The following PCDHA13 variants were observed in gnomAD, a reference collection of about 807,000 sequenced individuals.
PCDHA13 encodes the protein protocadherin alpha 13, also known as protocadherin alpha-13.
A neutral mutation model predicts 64.8 loss-of-function variants in PCDHA13; 54 were observed. The observed-to-expected ratio is 0.83, with a 90% confidence interval of 0.67 to 1.04. PCDHA13 has a LOEUF of 1.04. PCDHA13 is among the 50% of genes least tolerant of loss of function. The pLI is 0.00. For synonymous variants in PCDHA13, 587 were observed against 564.4 expected (o/e 1.04, Z -0.57); for missense variants, 1,248 against 1,254.3 (o/e 0.99, Z 0.08).
chr5:140,945,636 G>A (rs2093820936), intron 1 of PCDHA13, among the ~76,000 whole-genome samples: 1 of 152,092 alleles, frequency 6.6e-6, no homozygotes, highest in Admixed American at 6.6e-5. Context: ...TAAAAGACAT[G>A]TAGACCAATG....
chr5:140,934,490 C>T (rs189772593), intron 1 of PCDHA13, among the ~76,000 whole-genome samples: 35 of 152,244 alleles, frequency 2.3e-4, no homozygotes, highest in Admixed American at 1.4e-3. Context: ...ATATTCACCT[C>T]ATAAACACCC....
intron 1 of PCDHA13, chr5:140,968,416 G>A: frequency 1.2e-6 from 2 of 1,613,992 alleles, no homozygotes; most frequent in Non-Finnish European, 1.7e-6. Context: ...TGACTGTGGA[G>A]GCTCAGGACA....
chr5:140,993,463 CACA>C (rs1563592017), intron 3 of PCDHA13, among the ~76,000 whole-genome samples: 29 of 7,582 alleles, frequency 3.8e-3, no homozygotes, highest in African/African-American at 0.016. Flanking sequence ...CTTTCTTTCT[CACA>C]CACACACACA....
chr5:140,911,234 C>T (rs1554194655), intron 1 of PCDHA13, among the ~76,000 whole-genome samples: 1 of 151,890 alleles, frequency 6.6e-6, no homozygotes, highest in East Asian at 1.9e-4. Context: ...TTTCTTCTGG[C>T]AAAAAAAGTT....
Position 140,884,436 on chromosome 5 carries a change from G to A in PCDHA13, c.2168G>A (p.Cys723Tyr), listed in dbSNP as rs782218831. 6.2e-7 allele frequency: 1 copy of A among 1,613,888 alleles called. No individual in the cohort carries two copies. Among genetic ancestry groups the A allele is most frequent in the East Asian group, 2.2e-5 (1 of 44,870 alleles). Reference sequence around the variant, plus strand: ...TTGCTGCTGTATACTGCGCTGCGGTGCTCGGCACCGCCCACCGAGGGCGCG... The same window carrying A: ...TTGCTGCTGTATACTGCGCTGCGGTACTCGGCACCGCCCACCGAGGGCGCG... ...LTLLLYTALR[C>Y]SAPPTEGACA... The change falls in exon 1 of 4, where the codon TGC becomes TAC. Residue 723 changes from cysteine to tyrosine, a missense_variant. Physicochemically the swap from Cys to Tyr is radical, Grantham distance 194. Coordinates refer to ENST00000289272, the MANE Select transcript of PCDHA13 (RefSeq NM_018904.3).
At chr5:140,921,834 A>G (rs2080429595) in intron 1 of PCDHA13, among the ~76,000 whole-genome samples, 1 of 152,142 alleles carries the variant, frequency 6.6e-6, no homozygotes, top group Non-Finnish European at 1.5e-5. Context: ...ATACACATAT[A>G]GACATATTTA....
chr5:140,959,491 G>A (rs761208761), intron 1 of PCDHA13, among the ~76,000 whole-genome samples: 6 of 151,956 alleles, frequency 3.9e-5, no homozygotes, highest in Non-Finnish European at 7.4e-5. Context: ...TGTTATATAT[G>A]GATCAAACTA....
At chr5:141,009,301 T>C (rs942481990) in intron 3 of PCDHA13, among the ~76,000 whole-genome samples, 1 of 152,122 alleles carries the variant, frequency 6.6e-6, no homozygotes, top group Admixed American at 6.5e-5. Flanking sequence ...TAAAATTTTT[T>C]TTAAAAAGCT....
At chr5:140,968,909 G>T in intron 1 of PCDHA13, 1 of 1,614,172 alleles carries the variant, frequency 6.2e-7, no homozygotes, top group East Asian at 2.2e-5. Flanking sequence ...ATTAAGCACA[G>T]TGTCTTTTAT....
At chr5:141,008,582 G>A (rs1554261823) in intron 3 of PCDHA13, among the ~76,000 whole-genome samples, 1 of 152,130 alleles carries the variant, frequency 6.6e-6, no homozygotes. Context: ...CCAAGACTCA[G>A]GGCAGATTTC....
intron 1 of PCDHA13, among the ~76,000 whole-genome samples, chr5:140,952,671 A>C (rs1429468287): frequency 6.6e-6 from 1 of 152,176 alleles, no homozygotes; most frequent in Admixed American, 6.5e-5. Context: ...AGTCACTTTC[A>C]CATTTTCAGG....
At chr5:141,006,073 T>G (rs2098254106) in intron 3 of PCDHA13, among the ~76,000 whole-genome samples, 1 of 151,712 alleles carries the variant, frequency 6.6e-6, no homozygotes, top group Non-Finnish European at 1.5e-5. Context: ...AAAAATCAGA[T>G]TATTGAAGGG....
intron 1 of PCDHA13, among the ~76,000 whole-genome samples, chr5:140,937,575 T>C (rs111558133): frequency 1.8e-3 from 268 of 149,140 alleles, no homozygotes; most frequent in African/African-American, 6.4e-3. Context: ...TGGGATCGCG[T>C]CACTGCACTC....
chr5:140,884,588 C>G lies in PCDHA13; in HGVS notation c.2320C>G (p.Pro774Ala), dbSNP rs1554181766. ...TAAGACGGACCTCATGGCCTTCAGT[C>G]CCAGCCTTCCTCCTTGTCTGGGTTC... ...PHKTDLMAFS[P>A]SLPPCLGSAE... The change falls in exon 1 of 4, where the codon CCC (proline) becomes GCC (alanine). Residue 774 changes from proline to alanine, a missense_variant. Coordinates refer to ENST00000289272, the MANE Select transcript of PCDHA13 (RefSeq NM_018904.3). The G allele has an allele frequency of 6.2e-7, 1 of 1,614,152 alleles. No individual in the cohort carries two copies. Among genetic ancestry groups the G allele is most frequent in the East Asian group, 2.2e-5 (1 of 44,888 alleles).
At chr5:140,911,909 C>G (rs113000456) in intron 1 of PCDHA13, among the ~76,000 whole-genome samples, 17,713 of 152,106 alleles carry the variant, frequency 0.12, 1,155 homozygotes, top group Middle Eastern at 0.19. Flanking sequence ...TCAGAGCTCT[C>G]TAGAGGACAG....
chr5:140,969,292 C>G, intron 1 of PCDHA13: 2 of 1,614,208 alleles, frequency 1.2e-6, no homozygotes, highest in Non-Finnish European at 1.7e-6. Context: ...ATGCTGGGAA[C>G]CTGATTATTC....
chr5:140,884,432 C>T lies in PCDHA13; in HGVS notation c.2164C>T (p.Arg722Trp), dbSNP rs782413139. The change falls in exon 1 of 4, where the codon CGG becomes TGG. Residue 722 changes from arginine (R) to tryptophan (W), a missense_variant. Coordinates refer to ENST00000289272, the MANE Select transcript of PCDHA13 (RefSeq NM_018904.3). ...CACGTTGCTGCTGTATACTGCGCTGCGGTGCTCGGCACCGCCCACCGAGGG... is the reference window on the plus strand; with the variant it reads ...CACGTTGCTGCTGTATACTGCGCTGTGGTGCTCGGCACCGCCCACCGAGGG... ...VLTLLLYTAL[R>W]CSAPPTEGAC... is the part of the protein sequence containing the mutation. 1.2e-6 allele frequency: 2 copies of T among 1,613,880 alleles called. No individual in the cohort carries two copies. Among genetic ancestry groups the T allele is most frequent in the East Asian group, 4.5e-5 (2 of 44,860 alleles).
chr5:140,962,329 T>A (rs1341757607), intron 1 of PCDHA13, among the ~76,000 whole-genome samples: 1 of 152,250 alleles, frequency 6.6e-6, no homozygotes, highest in Non-Finnish European at 1.5e-5. Context: ...TTGAGAATAC[T>A]GATAAAGAAG....
chr5:140,929,715 T>A, intron 1 of PCDHA13: 1 of 230,486 alleles, frequency 4.3e-6, no homozygotes, highest in East Asian at 9.8e-5. Flanking sequence ...ATATGGAAGG[T>A]GAAACATTTA....
Sources: allele counts gnomAD v4.1 joint callset (sites outside exome capture counted in the v4.1 genomes callset), GRCh38; gene constraint gnomAD v4.1.1; transcripts MANE v1.5; gene names NCBI Gene and HGNC (gene_info 2026-07-23, HGNC 2026-07-21).